TMEM165: variants seen among roughly 807,000 people sequenced by gnomAD.
TMEM165 encodes putative divalent cation/proton antiporter TMEM165.
Under a neutral mutation model 30.0 loss-of-function variants are expected in TMEM165, and 19 were observed. That is an observed-to-expected ratio of 0.63 (90% CI 0.44 to 0.93). The LOEUF (loss-of-function observed/expected upper bound fraction) is 0.93, where lower values mean the gene tolerates loss of function less well. TMEM165 is among the 40% of genes least tolerant of loss of function. The probability of loss-of-function intolerance (pLI) is 0.00; values close to 1 mark genes in which losing one functional copy is unlikely to be tolerated. For missense variants in TMEM165, 340 were observed against 417.0 expected (o/e 0.82, Z 1.61); for synonymous variants, 168 against 162.9 (o/e 1.03, Z -0.24).
intron 1 of TMEM165, among the ~76,000 whole-genome samples, chr4:55,406,353 T>TA (rs1166561232): frequency 5.3e-5 from 8 of 152,232 alleles, no homozygotes; most frequent in Non-Finnish European, 1.2e-4. Context: ...AATGAGAAGT[T>TA]ACGTCTCTTT....
chr4:55,449,317 G>T, intron 3 of TMEM165: 2 of 1,285,816 alleles, frequency 1.6e-6, no homozygotes, highest in Non-Finnish European at 2.3e-6. Context: ...GTGACAAATA[G>T]ATGAATTTCT....
At chr4:55,422,897 A>G (rs1331239876) in intron 4 of TMEM165, among the ~76,000 whole-genome samples, 2 of 152,034 alleles carry the variant, frequency 1.3e-5, no homozygotes, top group Non-Finnish European at 2.9e-5. Flanking sequence ...CGGCCTCCCA[A>G]AGTGCTGGCA....
chr4:55,435,423 G>A, intron 3 of TMEM165: 2 of 1,613,934 alleles, frequency 1.2e-6, no homozygotes, highest in Non-Finnish European at 1.7e-6. Flanking sequence ...TGCTACTGTG[G>A]TTGAACCTTG....
At chr4:55,426,967 G>C (rs1722229603), downstream of TMEM165, among the ~76,000 whole-genome samples, 1 of 152,050 alleles carries the variant, frequency 6.6e-6, no homozygotes. Context: ...TAAACTCTGT[G>C]GTTAGACAGT....
intron 1 of TMEM165, among the ~76,000 whole-genome samples, chr4:55,400,377 ATAATAAT>A (rs1720943810): frequency 7.5e-5 from 1 of 13,350 alleles, no homozygotes; most frequent in Non-Finnish European, 3.6e-4. Flanking sequence ...TTATATTAAT[ATAATAAT>A]AATAAATAAT....
downstream of TMEM165, among the ~76,000 whole-genome samples, chr4:55,427,445 C>T (rs1722270514): frequency 6.6e-6 from 1 of 151,932 alleles, no homozygotes; most frequent in Non-Finnish European, 1.5e-5. Context: ...TGAGTTCAAG[C>T]AGTTCTCCTG....
intron 1 of TMEM165, among the ~76,000 whole-genome samples, chr4:55,396,653 G>C (rs1165849075): frequency 6.6e-6 from 1 of 152,214 alleles, no homozygotes; most frequent in African/African-American, 2.4e-5. Flanking sequence ...CCAAGATGCT[G>C]CTCCGGGATG....
downstream of TMEM165, chr4:55,427,764 G>A (rs940069759): frequency 1.3e-5 from 2 of 152,202 alleles, no homozygotes; most frequent in African/African-American, 4.8e-5. Context: ...AATAAGAACA[G>A]CATCGCATTC....
At chr4:55,443,728 G>C (rs755308874) in intron 3 of TMEM165, 1 of 1,614,088 alleles carries the variant, frequency 6.2e-7, no homozygotes, top group Admixed American at 1.7e-5. Flanking sequence ...TGTATCATGT[G>C]CTGAGTTGTG....
chr4:55,417,941 G>A lies in TMEM165; in HGVS notation c.748G>A (p.Gly250Ser). ...ALTLTFLAEW[G>S]DRSQLTTIVL... ...TACATTAACATTCTTAGCAGAATGG[G>A]GTGATCGCTCTCAACTAACTACAAT... The change falls in exon 4 of 6, where the codon GGT becomes AGT. Residue 250 changes from glycine to serine, a missense_variant. Gly to Ser is a moderately conservative substitution (Grantham distance 56). Coordinates refer to ENST00000381334, the MANE Select transcript of TMEM165 (RefSeq NM_018475.5). The A allele has an allele frequency of 1.2e-6, 2 of 1,613,576 alleles. No individual in the cohort carries two copies. Among genetic ancestry groups the A allele is most frequent in the Non-Finnish European group, 1.7e-6 (2 of 1,179,882 alleles).
rs140059331 is a variant in TMEM165, at chr4:55,444,954, T to C, written c.409-7285T>C. On this transcript the variant is annotated intron_variant, in intron 3 of 3. Transcript: ENST00000608091. Reference sequence around the variant, plus strand: ...CCCATCTTTGCTCTGCTTTGTAATATTGGACCTGGACCTTCAAAATATTTC... The same window carrying C: ...CCCATCTTTGCTCTGCTTTGTAATACTGGACCTGGACCTTCAAAATATTTC... 1.1e-3 allele frequency among the ~76,000 whole-genome samples: 172 copies of C among 152,312 alleles called. 2 individuals carry two copies. In the East Asian group the frequency reaches 0.022, roughly 19 times the overall value.
At chr4:55,451,554 CCCCAGGG>C (rs1229280589) in intron 3 of TMEM165, among the ~76,000 whole-genome samples, 1 of 152,140 alleles carries the variant, frequency 6.6e-6, no homozygotes, top group African/African-American at 2.4e-5. Flanking sequence ...CGTCCCTAAA[CCCCAGGG>C]GGATCATGAT....
In TMEM165 at chr4:55,438,233, T is replaced by C. The variant is rs562738821; in HGVS notation, c.408+13590T>C. On this transcript the variant is annotated intron_variant, in intron 3 of 3. Transcript: ENST00000608091. The stretch of plus-strand genomic sequence containing the variant: ...CTGTTCACTTAATGCTTAATTTCAT[T>C]ACATGAAAGTAAATGAGTTTGAAGC... The C allele has an allele frequency of 8.2e-6, 13 of 1,588,686 alleles. No homozygotes were observed. The South Asian group carries it at 1.1e-4, about 14-fold the overall frequency.
intron 3 of TMEM165, among the ~76,000 whole-genome samples, chr4:55,445,466 TG>T (rs1319334426): frequency 6.6e-6 from 1 of 151,998 alleles, no homozygotes; most frequent in African/African-American, 2.4e-5. Context: ...TAGCCTGGCA[TG>T]GGGGAAGAGG....
chr4:55,433,483 GGC>G (rs1261060297), intron 3 of TMEM165: 1 of 152,288 alleles, frequency 6.6e-6, no homozygotes, highest in Non-Finnish European at 1.5e-5. Flanking sequence ...CTTAAGAACT[GGC>G]TTAGCATTCC....
At chr4:55,443,677 G>GT in intron 3 of TMEM165, 2 of 1,610,878 alleles carry the variant, frequency 1.2e-6, no homozygotes, top group Non-Finnish European at 1.7e-6. Context: ...GCTGTGCTCA[G>GT]TAACATTACC....
Position 55,396,355 on chromosome 4 carries a change from C to T in TMEM165, c.166C>T (p.Gln56Ter). ...GGCGCCGGCCCAGCAGCTGCAGCCG[C>T]AGCCTGTGGCTGTGCAGGGCCCCGA... Reference protein sequence around the residue: ...PPAPAQQLQPQPVAVQGPEPA... With the variant: ...PPAPAQQLQP The change falls in exon 1 of 6, where the codon CAG (glutamine) becomes TAG (stop). Residue 56 changes from glutamine to a stop codon, truncating the protein, a stop_gained. Transcript: ENST00000381334. LOFTEE classifies it high-confidence loss of function. The T allele has an allele frequency of 6.6e-7, 1 of 1,510,324 alleles. No individual in the cohort carries two copies. The highest frequency in any genetic ancestry group is 8.8e-7 in the Non-Finnish European group (1 of 1,134,438). The allele number at this position is 1,510,324 out of a possible 1,614,324, so 93.6% of individuals were successfully genotyped here.
intron 3 of TMEM165, among the ~76,000 whole-genome samples, chr4:55,435,751 A>C (rs367774018): frequency 1.3e-5 from 2 of 152,314 alleles, no homozygotes; most frequent in East Asian, 3.9e-4. Context: ...CTAATTTGGA[A>C]AATGCTTATG....
At chr4:55,430,975 A>G (rs1327981022), downstream of TMEM165, 3 of 152,216 alleles carry the variant, frequency 2.0e-5, no homozygotes, top group Non-Finnish European at 4.4e-5. Context: ...ACTACGGTTC[A>G]CTGGACCTAA....
Sources: allele counts gnomAD v4.1 joint callset (sites outside exome capture counted in the v4.1 genomes callset), GRCh38; gene constraint gnomAD v4.1.1; transcripts MANE v1.5; gene names NCBI Gene and HGNC (gene_info 2026-07-23, HGNC 2026-07-21).